The following ABHD3 variants were observed in gnomAD, a reference collection of about 807,000 sequenced individuals.
ABHD3 encodes abhydrolase domain containing 3, phospholipase.
ABHD3 carries 46 observed loss-of-function variants against 48.8 expected under a neutral mutation model. The observed-to-expected ratio is 0.94, with a 90% CI of 0.74 to 1.20. The LOEUF is 1.20. ABHD3 is among the 50% of genes most tolerant of loss of function. ABHD3 has a pLI of 0.00. For missense variants in ABHD3, 490 were observed against 497.8 expected (o/e 0.98, Z 0.15); for synonymous variants, 192 against 183.7 (o/e 1.04, Z -0.36).
At chr18:21,684,660 C>G (rs1419597093) in intron 3 of ABHD3, among the ~76,000 whole-genome samples, 1 of 152,118 alleles carries the variant, frequency 6.6e-6, no homozygotes, top group East Asian at 1.9e-4. Flanking sequence ...TATATATCCT[C>G]TACCCATTGC....
intron 4 of ABHD3, chr18:21,683,401 A>T (rs2040051725): frequency 3.0e-6 from 1 of 338,098 alleles, no homozygotes; most frequent in Non-Finnish European, 6.4e-6. Context: ...GCAAACAGGC[A>T]TGTGACATAC....
At chr18:21,694,073 C>T (rs764551767) in intron 3 of ABHD3, among the ~76,000 whole-genome samples, 18 of 152,154 alleles carry the variant, frequency 1.2e-4, no homozygotes, top group Non-Finnish European at 2.4e-4. Flanking sequence ...ACTTCCTCTA[C>T]ATAAAATATT....
chr18:21,673,968 T>C (rs2039816906), intron 4 of ABHD3, among the ~76,000 whole-genome samples: 1 of 152,106 alleles, frequency 6.6e-6, no homozygotes, highest in Admixed American at 6.6e-5. Context: ...TGAGAACCTC[T>C]GCAACAAGAG....
chr18:21,666,113 C>T (rs1291565256), intron 4 of ABHD3, among the ~76,000 whole-genome samples: 1 of 151,984 alleles, frequency 6.6e-6, no homozygotes, highest in Non-Finnish European at 1.5e-5. Context: ...CTCACTAGTA[C>T]CCCTCTGCCT....
At chr18:21,672,067 GACT>G (rs1336031673) in intron 4 of ABHD3, among the ~76,000 whole-genome samples, 1 of 151,992 alleles carries the variant, frequency 6.6e-6, no homozygotes, top group African/African-American at 2.4e-5. Flanking sequence ...TTTACCTATG[GACT>G]ACATCTAATT....
At chr18:21,698,459 T>G (rs1417081281) in intron 3 of ABHD3, among the ~76,000 whole-genome samples, 1 of 152,006 alleles carries the variant, frequency 6.6e-6, no homozygotes, top group Non-Finnish European at 1.5e-5. Flanking sequence ...AATGCTGGGA[T>G]TACAGGCTTG....
In ABHD3 at chr18:21,654,229, A is replaced by T. The variant is rs567779304; in HGVS notation, c.1058-2466T>A. Among the ~76,000 whole-genome samples the T allele has an allele frequency of 1.3e-4, 20 of 152,160 alleles. No individual in the cohort carries two copies. In the East Asian group the frequency reaches 3.9e-3, roughly 29 times the overall value. Reference sequence around the variant, plus strand: ...CAAGATCCTGTCTCCAAATATATATATATAATGTGATTGATGCAATAATTA... The same window carrying T: ...CAAGATCCTGTCTCCAAATATATATTTATAATGTGATTGATGCAATAATTA... On this transcript the variant is annotated intron_variant, in intron 8 of 8. Coordinates refer to ENST00000289119, the MANE Select transcript of ABHD3 (RefSeq NM_138340.5).
At position 21,659,240 on chromosome 18, in the gene ABHD3, A is replaced by G. The variant is rs768356339; in HGVS notation, c.772T>C (p.Leu258=). Residue 258 remains leucine (L), a synonymous_variant, in exon 6 of 9, where the codon TTG becomes CTG. Transcript: ENST00000289119. ...AGTAGCCAGTTCAGTGGTTTTTCCAATGACTCTGAGCAAGCGAAGGTGTTC... is the reference window on the plus strand; with the variant it reads ...AGTAGCCAGTTCAGTGGTTTTTCCAGTGACTCTGAGCAAGCGAAGGTGTTC... The part of the protein sequence containing the change: ...GWNTFACSES[L]EKPLNWLLFN... 2 of 1,613,942 alleles carry G rather than the reference A, an allele frequency of 1.2e-6. No homozygotes were observed. The highest frequency in any genetic ancestry group is 2.2e-5 in the South Asian group (2 of 91,040).
At chr18:21,689,294 A>T (rs988612451) in intron 3 of ABHD3, among the ~76,000 whole-genome samples, 2 of 152,126 alleles carry the variant, frequency 1.3e-5, no homozygotes, top group South Asian at 4.1e-4. Flanking sequence ...CATGCCTGTA[A>T]TCTCAGCCCT....
intron 6 of ABHD3, among the ~76,000 whole-genome samples, chr18:21,657,617 T>C (rs1183910527): frequency 6.6e-6 from 1 of 152,078 alleles, no homozygotes; most frequent in Non-Finnish European, 1.5e-5. Context: ...CCCAAAGTGC[T>C]GGGATTATAA....
Position 21,683,533 on chromosome 18 carries a change from T to A in ABHD3, c.555+387A>T, listed in dbSNP as rs754312451. On this transcript the variant is annotated intron_variant, in intron 4 of 8. Coordinates refer to ENST00000289119, the MANE Select transcript of ABHD3 (RefSeq NM_138340.5). ...GTTTTGCATTAAAAATGAGGCCTTC[T>A]CTTCCCAGTTCTTCCCAGAGTCAGG... The A allele has an allele frequency of 9.8e-6, 5 of 510,932 alleles. No individual in the cohort carries two copies. The African/African-American group carries it at 9.9e-5, about 10-fold the overall frequency. The allele number at this position is 510,932 out of a possible 1,614,324, so 31.6% of individuals were successfully genotyped here. A position where few individuals can be genotyped will look rare whatever the true frequency, so the allele number is the denominator to read the frequency against.
chr18:21,673,359 T>A (rs554441524), intron 4 of ABHD3, among the ~76,000 whole-genome samples: 1 of 152,270 alleles, frequency 6.6e-6, no homozygotes, highest in South Asian at 2.1e-4. Flanking sequence ...AGTGGCACGA[T>A]CTCAGGTCAC....
chr18:21,666,530 A>G (rs1344940541), intron 4 of ABHD3, among the ~76,000 whole-genome samples: 1 of 151,850 alleles, frequency 6.6e-6, no homozygotes, highest in Non-Finnish European at 1.5e-5. Flanking sequence ...GGATTTCACC[A>G]TGTTGGCCAG....
chr18:21,665,950 A>G (rs1465128744), intron 4 of ABHD3, among the ~76,000 whole-genome samples: 13 of 152,242 alleles, frequency 8.5e-5, no homozygotes, highest in South Asian at 8.3e-4. Flanking sequence ...ATGGTTTCCT[A>G]GTGCTGTCTT....
chr18:21,694,238 G>A (rs1314660799), intron 3 of ABHD3, among the ~76,000 whole-genome samples: 1 of 152,014 alleles, frequency 6.6e-6, no homozygotes, highest in Non-Finnish European at 1.5e-5. Context: ...TGGGATTATA[G>A]GTGGGGGCCA....
chr18:21,659,831 G>A (rs1160215074), intron 5 of ABHD3, among the ~76,000 whole-genome samples: 4 of 152,130 alleles, frequency 2.6e-5, no homozygotes, highest in South Asian at 2.1e-4. Flanking sequence ...ACCACGCCCC[G>A]GTAATTTTTT....
At chr18:21,680,313 G>T (rs1221223148) in intron 4 of ABHD3, among the ~76,000 whole-genome samples, 1 of 152,206 alleles carries the variant, frequency 6.6e-6, no homozygotes, top group Non-Finnish European at 1.5e-5. Flanking sequence ...ACCGTGCCCA[G>T]TCTCATGTTT....
In ABHD3 at chr18:21,704,730, C is replaced by T. The variant is rs1363056105; in HGVS notation, c.-65G>A. 3 of 1,305,032 alleles carry T rather than the reference C, an allele frequency of 2.3e-6. No individual in the cohort carries two copies. The highest frequency in any genetic ancestry group is 1.6e-5 in the African/African-American group (1 of 63,256). 80.8% of individuals were successfully genotyped at this position (1,305,032 alleles called of 1,614,324 possible). On this transcript the variant is annotated 5_prime_UTR_variant, in exon 1 of 9. Transcript: ENST00000289119. ...GAGCCGGCTGGCGAGCGGGCGAGAGCGGGCGAGAGCGGACGCGGCGCCGCT... is the reference window on the plus strand; with the variant it reads ...GAGCCGGCTGGCGAGCGGGCGAGAGTGGGCGAGAGCGGACGCGGCGCCGCT...
intron 4 of ABHD3, among the ~76,000 whole-genome samples, chr18:21,669,990 A>C (rs2146298933): frequency 6.6e-6 from 1 of 152,234 alleles, no homozygotes; most frequent in South Asian, 2.1e-4. Flanking sequence ...CAATAAGAAA[A>C]TGATACCAGG....
Sources: allele counts gnomAD v4.1 joint callset (sites outside exome capture counted in the v4.1 genomes callset), GRCh38; gene constraint gnomAD v4.1.1; transcripts MANE v1.5; gene names NCBI Gene and HGNC (gene_info 2026-07-23, HGNC 2026-07-21).